Variants in KIAA1328 observed in about 807,000 individuals in gnomAD.
KIAA1328 encodes protein hinderin.
A neutral mutation model predicts 68.1 loss-of-function variants in KIAA1328; 52 were observed. That is an observed-to-expected ratio of 0.76 (90% CI 0.61 to 0.96). KIAA1328 has a LOEUF of 0.96. KIAA1328 is among the 40% of genes least tolerant of loss of function. KIAA1328 has a pLI of 0.00. For missense variants in KIAA1328, 641 were observed against 677.6 expected (o/e 0.95, Z 0.60); for synonymous variants, 232 against 239.4 (o/e 0.97, Z 0.28).
At chr18:37,103,803 TA>T (rs2057693784) in intron 7 of KIAA1328, among the ~76,000 whole-genome samples, 2 of 145,656 alleles carry the variant, frequency 1.4e-5, no homozygotes, top group African/African-American at 5.0e-5. Flanking sequence ...CAATAGCAAA[TA>T]CACACACACA....
At chr18:36,844,796 C>T (rs775066962) in intron 4 of KIAA1328, among the ~76,000 whole-genome samples, 3 of 151,802 alleles carry the variant, frequency 2.0e-5, no homozygotes, top group Non-Finnish European at 4.4e-5. Flanking sequence ...GTATATGAGG[C>T]TCATCTACTT....
At chr18:36,839,682 T>G (rs1211962447) in intron 3 of KIAA1328, among the ~76,000 whole-genome samples, 1 of 152,204 alleles carries the variant, frequency 6.6e-6, no homozygotes, top group Admixed American at 6.5e-5. Flanking sequence ...GATAAATTAT[T>G]TGGAAGCAAT....
At chr18:37,146,946 T>C (rs894922714) in intron 7 of KIAA1328, among the ~76,000 whole-genome samples, 6 of 152,200 alleles carry the variant, frequency 3.9e-5, no homozygotes, top group African/African-American at 1.4e-4. Flanking sequence ...AGAACCTTAA[T>C]GAGTAGATTA....
At chr18:37,117,158 AT>A (rs2058133704) in intron 7 of KIAA1328, among the ~76,000 whole-genome samples, 1 of 150,808 alleles carries the variant, frequency 6.6e-6, no homozygotes, top group Non-Finnish European at 1.5e-5. Context: ...ATCCCAAGGG[AT>A]TATAAATCAT....
intron 4 of KIAA1328, among the ~76,000 whole-genome samples, chr18:36,859,711 C>A (rs2150880936): frequency 6.6e-6 from 1 of 151,826 alleles, no homozygotes; most frequent in South Asian, 2.1e-4. Context: ...CAGCCTCCCA[C>A]AGTGTTGGGA....
At chr18:37,228,835 A>G (rs73423119), downstream of KIAA1328, among the ~76,000 whole-genome samples, 5,241 of 152,144 alleles carry the variant, frequency 0.034, 317 homozygotes, top group African/African-American at 0.12. Context: ...AAAAAAAGAA[A>G]AAAAAAAGAT....
At chr18:36,929,479 T>G (rs893345130) in intron 5 of KIAA1328, among the ~76,000 whole-genome samples, 23 of 151,714 alleles carry the variant, frequency 1.5e-4, no homozygotes, top group African/African-American at 5.6e-4. Flanking sequence ...AGTGGTGGGC[T>G]TCTGCCACCT....
intron 6 of KIAA1328, among the ~76,000 whole-genome samples, chr18:36,961,285 G>A (rs914228842): frequency 1.3e-5 from 2 of 152,112 alleles, no homozygotes; most frequent in African/African-American, 2.4e-5. Context: ...AAAAACAAAC[G>A]AGCAAAGCCT....
chr18:37,091,004 AC>A, intron 7 of KIAA1328, among the ~76,000 whole-genome samples: 1 of 152,234 alleles, frequency 6.6e-6, no homozygotes, highest in Non-Finnish European at 1.5e-5. Flanking sequence ...ACGAAGTAAT[AC>A]ATCCAGAATA....
chr18:36,976,667 ATAAT>A (rs1403759633), intron 6 of KIAA1328, among the ~76,000 whole-genome samples: 2 of 151,822 alleles, frequency 1.3e-5, no homozygotes, highest in South Asian at 4.1e-4. Context: ...GTTATATATT[ATAAT>A]TAATTAGAAT....
chr18:36,874,293 C>T (rs1440867444), intron 4 of KIAA1328, among the ~76,000 whole-genome samples: 1 of 152,188 alleles, frequency 6.6e-6, no homozygotes, highest in Non-Finnish European at 1.5e-5. Context: ...AACTAATTTA[C>T]ACTCCCACCA....
chr18:36,917,924 A>AT (rs2049769827), intron 5 of KIAA1328, among the ~76,000 whole-genome samples: 1 of 149,650 alleles, frequency 6.7e-6, no homozygotes, highest in South Asian at 2.1e-4. Flanking sequence ...CTCCCCTCCC[A>AT]TTTTTCCTGT....
chr18:37,122,704 TC>T (rs1023930570), intron 7 of KIAA1328, among the ~76,000 whole-genome samples: 1 of 152,060 alleles, frequency 6.6e-6, no homozygotes, highest in Non-Finnish European at 1.5e-5. Flanking sequence ...TGTGGTATTC[TC>T]AATTTTCTCT....
chr18:37,220,364 A>G (rs915616676), intron 9 of KIAA1328, among the ~76,000 whole-genome samples: 1 of 152,256 alleles, frequency 6.6e-6, no homozygotes, highest in Non-Finnish European at 1.5e-5. Flanking sequence ...AAGAAAAATT[A>G]AATTTAAAAA....
chr18:37,032,003 C>T (rs939818368), intron 6 of KIAA1328, among the ~76,000 whole-genome samples: 2 of 151,796 alleles, frequency 1.3e-5, no homozygotes, highest in African/African-American at 4.8e-5. Flanking sequence ...CCCATCTCTA[C>T]AAAGAAAGAA....
At chr18:36,830,895 C>G (rs1429157573) in intron 1 of KIAA1328, among the ~76,000 whole-genome samples, 1 of 152,148 alleles carries the variant, frequency 6.6e-6, no homozygotes, top group Admixed American at 6.5e-5. Context: ...GTCACCTTTC[C>G]CCTCAGACTA....
chr18:37,043,405 G>T (rs2055338812), intron 6 of KIAA1328, among the ~76,000 whole-genome samples: 1 of 152,098 alleles, frequency 6.6e-6, no homozygotes, highest in African/African-American at 2.4e-5. Flanking sequence ...CTCGAAAGTT[G>T]TTATTGCTGT....
chr18:37,198,906 A>T (rs1242369813), intron 9 of KIAA1328, among the ~76,000 whole-genome samples: 1 of 152,180 alleles, frequency 6.6e-6, no homozygotes, highest in Admixed American at 6.5e-5. Context: ...ACACACACAT[A>T]AGATTGGTGA....
chr18:37,090,578 A>G (rs1368116632), intron 7 of KIAA1328, among the ~76,000 whole-genome samples: 1 of 152,194 alleles, frequency 6.6e-6, no homozygotes, highest in African/African-American at 2.4e-5. Context: ...ACCTCACATT[A>G]GATGAAATAA....
Sources: gnomAD v4.1 joint callset for allele counts (sites outside exome capture counted in the v4.1 genomes callset) on GRCh38, gnomAD v4.1.1 for gene constraint, MANE v1.5 for transcripts, NCBI Gene and HGNC (gene_info 2026-07-23, HGNC 2026-07-21) for gene names.